The following PBLD variants were observed in gnomAD, a reference collection of about 807,000 sequenced individuals.
The protein encoded by PBLD is phenazine biosynthesis like protein domain containing.
PBLD carries 26 observed loss-of-function variants against 31.3 expected under a neutral mutation model. The ratio of observed to expected loss-of-function variants is 0.83; its 90% CI spans 0.61 to 1.15. The LOEUF is 1.15. Ranked by LOEUF, PBLD falls within the 50% of genes most tolerant of loss-of-function variation. The probability of loss-of-function intolerance (pLI) is 0.00; values close to 1 mark genes in which losing one functional copy is unlikely to be tolerated. For missense variants in PBLD, 307 were observed against 351.7 expected (o/e 0.87, Z 1.02); for synonymous variants, 114 against 129.0 (o/e 0.88, Z 0.79).
chr10:68,309,094 G>A lies in PBLD; in HGVS notation c.-59-2191C>T, dbSNP rs80095590. Among the ~76,000 whole-genome samples, 15 of 150,204 alleles carry A rather than the reference G, an allele frequency of 1.0e-4. 3 individuals are homozygous for A. In the East Asian group the frequency reaches 2.9e-3, roughly 29 times the overall value. ...TGTCACTGCAGATTCCTGTTATTCT[G>A]TAGCTGTTAGCACAAAAGAACCCAC... On this transcript the variant is annotated intron_variant, in intron 1 of 9. Coordinates refer to ENST00000358769, the MANE Select transcript of PBLD (RefSeq NM_022129.4).
At chr10:68,285,188 G>A in intron 9 of PBLD, 160 bp downstream of exon 9, 1 of 1,475,204 alleles carries the variant, frequency 6.8e-7, no homozygotes, top group Non-Finnish European at 9.0e-7. Flanking sequence ...GGCTGTTTGG[G>A]GTGGAGGATC....
intron 2 of PBLD, among the ~76,000 whole-genome samples, chr10:68,301,654 T>C (rs535395099): frequency 6.6e-6 from 1 of 152,298 alleles, no homozygotes; most frequent in African/African-American, 2.4e-5. Flanking sequence ...AAACTTCCTA[T>C]CTTCGTCCTT....
At chr10:68,329,998 TTGTAAGAGTACAGTG>T (rs1312371686) in intron 1 of PBLD, among the ~76,000 whole-genome samples, 1 of 151,954 alleles carries the variant, frequency 6.6e-6, no homozygotes, top group Admixed American at 6.6e-5. Context: ...TTTTTCAGGG[TTGTAAGAGTACAGTG>T]TGTAGCTTAT....
At chr10:68,307,921 T>C (rs2044605349) in intron 1 of PBLD, among the ~76,000 whole-genome samples, 1 of 152,202 alleles carries the variant, frequency 6.6e-6, no homozygotes, top group Non-Finnish European at 1.5e-5. Context: ...TTAAAAAATA[T>C]GCTCATTATA....
chr10:68,330,360 T>C (rs1160703123), intron 1 of PBLD, among the ~76,000 whole-genome samples: 1 of 152,190 alleles, frequency 6.6e-6, no homozygotes, highest in Admixed American at 6.5e-5. Context: ...TCCTCCTACG[T>C]TGCTAACACC....
At chr10:68,318,249 G>T (rs941781300) in intron 1 of PBLD, among the ~76,000 whole-genome samples, 2 of 151,348 alleles carry the variant, frequency 1.3e-5, no homozygotes, top group African/African-American at 2.4e-5. Context: ...TAAATAAACA[G>T]CACCAGTAGA....
chr10:68,314,286 A>C (rs1244646412), intron 1 of PBLD, among the ~76,000 whole-genome samples: 1 of 152,056 alleles, frequency 6.6e-6, no homozygotes, highest in African/African-American at 2.4e-5. Flanking sequence ...CTAAATTTAG[A>C]ATTTTCAGTT....
At chr10:68,303,259 C>T (rs1337308844) in intron 2 of PBLD, among the ~76,000 whole-genome samples, 1 of 151,728 alleles carries the variant, frequency 6.6e-6, no homozygotes, top group African/African-American at 2.4e-5. Flanking sequence ...TGGTCTTTAA[C>T]CTTGGCTAAT....
intron 1 of PBLD, among the ~76,000 whole-genome samples, chr10:68,327,701 G>A (rs2044946133): frequency 6.9e-6 from 1 of 145,250 alleles, no homozygotes; most frequent in Non-Finnish European, 1.5e-5. Context: ...AAAAAATCAC[G>A]TTGGGGGAAA....
chr10:68,330,958 C>T (rs1466201644), intron 1 of PBLD, among the ~76,000 whole-genome samples: 4 of 152,084 alleles, frequency 2.6e-5, no homozygotes, highest in African/African-American at 4.8e-5. Context: ...GGGCACAAGC[C>T]ATCCTTTTGC....
chr10:68,287,710 G>A (rs2044306429), intron 8 of PBLD: 1 of 152,262 alleles, frequency 6.6e-6, no homozygotes, highest in South Asian at 2.1e-4. Context: ...GCTCCCAGGT[G>A]GTGGACAATC....
intron 6 of PBLD, among the ~76,000 whole-genome samples, chr10:68,289,453 G>A (rs1280557537): frequency 6.6e-6 from 1 of 151,966 alleles, no homozygotes; most frequent in Non-Finnish European, 1.5e-5. Flanking sequence ...CTTGAACCTG[G>A]TGAACCAAGA....
chr10:68,288,632 G>C lies in PBLD; in HGVS notation c.542C>G (p.Thr181Arg). 1 of 1,614,074 alleles carries C rather than the reference G, an allele frequency of 6.2e-7. No homozygotes were observed. ...RSFLENLKVN[T>R]ENLLQVENTG... The stretch of plus-strand genomic sequence containing the variant: ...GTTTTCAACTTGCAGCAGATTCTCC[G>C]TGTTCACTTTCAGGTTCTCCAGAAA... Residue 181 changes from threonine (T) to arginine (R), a missense_variant, in exon 8 of 10, where the codon ACG becomes AGG. Transcript: ENST00000358769.
intron 7 of PBLD, 28 bp from the exon 8 acceptor site, chr10:68,288,689 C>T: frequency 6.2e-7 from 1 of 1,606,808 alleles, no homozygotes. Flanking sequence ...TGGATTAGGA[C>T]AAACCCATTT....
intron 1 of PBLD, among the ~76,000 whole-genome samples, chr10:68,308,841 G>A (rs1017496548): frequency 3.0e-5 from 2 of 67,696 alleles, no homozygotes; most frequent in Non-Finnish European, 6.6e-5. Flanking sequence ...CACCTGACCT[G>A]CATGGTGTGT....
rs1404449733 is a variant in PBLD, at chr10:68,296,255, A to G, written c.283+11T>C. ...GCTAAGTGTTAGATTCATTAAAGAAAATCACATTACTTATTTTGTGAAACA... is the reference window on the plus strand; with the variant it reads ...GCTAAGTGTTAGATTCATTAAAGAAGATCACATTACTTATTTTGTGAAACA... On this transcript the variant is annotated intron_variant, in intron 4 of 9. Coordinates refer to ENST00000358769, the MANE Select transcript of PBLD (RefSeq NM_022129.4). The G allele has an allele frequency of 1.9e-6, 3 of 1,597,172 alleles. No individual in the cohort carries two copies. The Admixed American group carries it at 5.2e-5, about 28-fold the overall frequency.
chr10:68,319,107 G>GAAAT (rs765763063), intron 1 of PBLD, among the ~76,000 whole-genome samples: 1 of 120,586 alleles, frequency 8.3e-6, no homozygotes, highest in Non-Finnish European at 1.7e-5. Flanking sequence ...AAGAAAGAAA[G>GAAAT]AAAGGAAAAA....
chr10:68,288,321 G>T, intron 8 of PBLD, 162 bp downstream of exon 8: 1 of 736,698 alleles, frequency 1.4e-6, no homozygotes, highest in East Asian at 2.7e-5. Flanking sequence ...TGTTTTTCAT[G>T]GAAGACTTCA....
At chr10:68,330,546 T>G (rs528408461) in intron 1 of PBLD, among the ~76,000 whole-genome samples, 62 of 152,184 alleles carry the variant, frequency 4.1e-4, no homozygotes, top group South Asian at 1.9e-3. Context: ...CTGATTTTTT[T>G]GGGGGGGAAA....
Sources: allele counts gnomAD v4.1 joint callset (sites outside exome capture counted in the v4.1 genomes callset), GRCh38; gene constraint gnomAD v4.1.1; transcripts MANE v1.5; gene names NCBI Gene and HGNC (gene_info 2026-07-23, HGNC 2026-07-21).